Variants in NEK10 observed in about 807,000 individuals in gnomAD.
NEK10 encodes NIMA related kinase 10, also known as serine/threonine-protein kinase Nek10.
In NEK10, 122 loss-of-function variants were observed where a neutral mutation model predicts 159.8. The observed-to-expected ratio is 0.76, with a 90% CI of 0.66 to 0.89. The LOEUF (loss-of-function observed/expected upper bound fraction) is 0.89. NEK10 is among the 40% of genes least tolerant of loss of function. The pLI is 0.00. For synonymous variants in NEK10, 466 were observed against 457.1 expected, an observed-to-expected ratio of 1.02 and a Z score of -0.25; for missense variants, 1,342 against 1,323.1, an observed-to-expected ratio of 1.01 and a Z score of -0.22.
At chr3:27,325,730 T>A (rs491976) in intron 5 of NEK10, among the ~76,000 whole-genome samples, 1 of 151,960 alleles carries the variant, frequency 6.6e-6, no homozygotes, top group Non-Finnish European at 1.5e-5. Flanking sequence ...CTTCCCAAAG[T>A]CTTATACTCC....
chr3:27,310,714 TG>T, intron 9 of NEK10: 1 of 389,814 alleles, frequency 2.6e-6, no homozygotes, highest in Non-Finnish European at 4.5e-6. Flanking sequence ...TGGTATTAAA[TG>T]GCATAGGAAA....
chr3:27,204,303 T>A (rs1245740123), intron 23 of NEK10, among the ~76,000 whole-genome samples: 1 of 51,278 alleles, frequency 2.0e-5, no homozygotes, highest in Non-Finnish European at 3.4e-5. Flanking sequence ...TTGTTGTTGT[T>A]TTTTTTTTTT....
chr3:27,224,413 C>T (rs778190360), intron 23 of NEK10, among the ~76,000 whole-genome samples: 22 of 152,200 alleles, frequency 1.4e-4, no homozygotes, highest in Non-Finnish European at 2.2e-4. Flanking sequence ...CACAACACTT[C>T]CAGTGGGGTT....
intron 23 of NEK10, among the ~76,000 whole-genome samples, chr3:27,221,009 C>A (rs1472925960): frequency 6.6e-6 from 1 of 152,028 alleles, no homozygotes; most frequent in Non-Finnish European, 1.5e-5. Context: ...ATACCATATG[C>A]AAAAATTAAT....
chr3:27,252,028 A>G (rs1955721507), intron 23 of NEK10, among the ~76,000 whole-genome samples: 1 of 152,224 alleles, frequency 6.6e-6, no homozygotes, highest in African/African-American at 2.4e-5. Flanking sequence ...TTTTTATCAT[A>G]TTAATATTAA....
At chr3:27,359,666 T>C (rs1243259318) in intron 1 of NEK10, among the ~76,000 whole-genome samples, 1 of 152,226 alleles carries the variant, frequency 6.6e-6, no homozygotes, top group East Asian at 1.9e-4. Context: ...ACTGGTTAAA[T>C]GTTTAGTTCT....
chr3:27,233,520 A>T (rs538694571), intron 23 of NEK10, among the ~76,000 whole-genome samples: 1 of 152,270 alleles, frequency 6.6e-6, no homozygotes, highest in East Asian at 1.9e-4. Context: ...CCAAAAGTAG[A>T]ACTACCATTT....
chr3:27,195,228 A>T (rs1575187030), intron 25 of NEK10, among the ~76,000 whole-genome samples: 1 of 152,366 alleles, frequency 6.6e-6, no homozygotes, highest in East Asian at 1.9e-4. Context: ...TCAAATTACT[A>T]AAGATTGGCT....
intron 26 of NEK10, among the ~76,000 whole-genome samples, chr3:27,188,084 T>C (rs996223022): frequency 6.6e-6 from 1 of 152,208 alleles, no homozygotes; most frequent in Non-Finnish European, 1.5e-5. Context: ...ACAATTCCAT[T>C]TCTAAGTTTG....
intron 22 of NEK10, among the ~76,000 whole-genome samples, chr3:27,262,353 T>C (rs2040490349): frequency 2.0e-5 from 3 of 152,186 alleles, no homozygotes; most frequent in Admixed American, 2.0e-4. Context: ...GCGTTCTCTG[T>C]ATTTCCTGAA....
At chr3:27,112,787 T>C (rs1939766305) in intron 35 of NEK10, among the ~76,000 whole-genome samples, 1 of 152,218 alleles carries the variant, frequency 6.6e-6, no homozygotes, top group African/African-American at 2.4e-5. Context: ...AGACTATCTA[T>C]TGACATCTTT....
intron 22 of NEK10, chr3:27,278,604 G>A: frequency 1.5e-6 from 1 of 679,980 alleles, no homozygotes; most frequent in Non-Finnish European, 1.8e-6. Flanking sequence ...TTTGCAAGAT[G>A]AACATGTGAC....
chr3:27,294,970 T>G (rs757335976), intron 15 of NEK10, among the ~76,000 whole-genome samples: 6 of 151,010 alleles, frequency 4.0e-5, no homozygotes, highest in Admixed American at 2.6e-4. Flanking sequence ...CACACCCCAG[T>G]TCCACTGAGC....
rs116697653 is a variant in NEK10, at chr3:27,206,982, C to T, written c.2091-4425G>A. Among the ~76,000 whole-genome samples, 312 of 152,258 alleles carry T rather than the reference C, an allele frequency of 2.0e-3. 1 individual carries two copies. Among genetic ancestry groups the T allele is most frequent in the Non-Finnish European group, 3.0e-3 (207 of 68,018 alleles). On this transcript the variant is annotated intron_variant, in intron 23 of 35. Transcript: ENST00000691995. Reference sequence around the variant, plus strand: ...TATTTTTCTACTTCCACTTCTGCTGCCATTTGCACTTCAAACCTAGTCACT... The same window carrying T: ...TATTTTTCTACTTCCACTTCTGCTGTCATTTGCACTTCAAACCTAGTCACT...
intron 23 of NEK10, among the ~76,000 whole-genome samples, chr3:27,234,520 C>G (rs1242861841): frequency 6.6e-6 from 1 of 151,910 alleles, no homozygotes; most frequent in Non-Finnish European, 1.5e-5. Flanking sequence ...ACAACTGCCA[C>G]AAAAAGAATA....
chr3:27,337,844 T>C (rs954473814), intron 5 of NEK10, among the ~76,000 whole-genome samples: 1 of 152,108 alleles, frequency 6.6e-6, no homozygotes, highest in Non-Finnish European at 1.5e-5. Flanking sequence ...TTCAAAACTA[T>C]GAAACTACTA....
At chr3:27,352,612 A>T in intron 2 of NEK10, 87 bp from the exon 3 acceptor site, 3 of 990,338 alleles carry the variant, frequency 3.0e-6, no homozygotes, top group Non-Finnish European at 4.8e-6. Context: ...TGCCACTTGG[A>T]GGCCTGCTTT....
At chr3:27,147,072 C>T (rs564421849) in intron 30 of NEK10, among the ~76,000 whole-genome samples, 18 of 152,314 alleles carry the variant, frequency 1.2e-4, no homozygotes, top group African/African-American at 4.3e-4. Flanking sequence ...GCCTGGCTTG[C>T]ATTGCAATAT....
At chr3:27,261,006 C>A (rs1479097070) in intron 22 of NEK10, among the ~76,000 whole-genome samples, 1 of 152,054 alleles carries the variant, frequency 6.6e-6, no homozygotes, top group South Asian at 2.1e-4. Flanking sequence ...AGTTTATTTG[C>A]GTAGAGGTGT....
Sources: allele counts gnomAD v4.1 joint callset (sites outside exome capture counted in the v4.1 genomes callset), GRCh38; gene constraint gnomAD v4.1.1; transcripts MANE v1.5; gene names NCBI Gene and HGNC (gene_info 2026-07-23, HGNC 2026-07-21).